Variants in EXTL3 observed in about 807,000 individuals in gnomAD.
EXTL3 encodes the protein exostosin-like 3.
A neutral mutation model predicts 69.3 loss-of-function variants in EXTL3; 27 were observed. That is an observed-to-expected ratio of 0.39 (90% confidence interval 0.29 to 0.54). The LOEUF is 0.54. EXTL3 is among the 20% of genes least tolerant of loss of function. The pLI, the probability that EXTL3 is intolerant of heterozygous loss-of-function variation, is 0.69. For missense variants in EXTL3, 1,003 were observed against 1,231.8 expected (o/e 0.81, Z 2.78); for synonymous variants, 511 against 499.4 (o/e 1.02, Z -0.31).
intron 3 of EXTL3, among the ~76,000 whole-genome samples, chr8:28,719,057 G>A (rs1801233138): frequency 6.6e-6 from 1 of 152,174 alleles, no homozygotes; most frequent in African/African-American, 2.4e-5. Context: ...TATTTAACCT[G>A]CTGCATATGT....
At position 28,712,225 on chromosome 8, in the gene EXTL3, C is replaced by T. The variant is rs547232777; in HGVS notation, c.-569-1232C>T. Among the ~76,000 whole-genome samples the T allele has an allele frequency of 2.6e-4, 40 of 152,194 alleles. No homozygotes were observed. The Middle Eastern group carries it at 0.01, about 39-fold the overall frequency. ...CAAAACAGGCATAAAGTTTTGAGAG[C>T]GAGAAGCTTGGCACAGTCGAGGAGG... On this transcript the variant is annotated intron_variant, in intron 1 of 6. Coordinates refer to ENST00000220562, the MANE Select transcript of EXTL3 (RefSeq NM_001440.4).
At chr8:28,729,465 A>G (rs1261327460) in intron 3 of EXTL3, among the ~76,000 whole-genome samples, 8 of 150,990 alleles carry the variant, frequency 5.3e-5, no homozygotes, top group Non-Finnish European at 8.9e-5. Context: ...GCGTGGTGGT[A>G]GGCGCCTGTA....
Position 28,657,689 on chromosome 8 carries a change from T to C in EXTL3, c.-53+34879T>C, listed in dbSNP as rs187876675. On this transcript the variant is annotated intron_variant, in intron 1 of 6. Coordinates refer to the EXTL3 transcript ENST00000523149. ...TTTGTAAGAGTCATCTGTGCTTATT[T>C]AAAAAAAAAATTGGAAAGCACATCA... Among the ~76,000 whole-genome samples the C allele has an allele frequency of 1.3e-3, 199 of 149,710 alleles. 3 individuals carry two copies. Among genetic ancestry groups the C allele is most frequent in the African/African-American group, 4.3e-3 (174 of 40,902 alleles).
chr8:28,679,130 T>C (rs1807437208), intron 1 of EXTL3, among the ~76,000 whole-genome samples: 1 of 152,214 alleles, frequency 6.6e-6, no homozygotes. Context: ...AGGGTCATTT[T>C]CTATTCTTGT....
chr8:28,732,149 G>A (rs1801550886), intron 4 of EXTL3, among the ~76,000 whole-genome samples: 1 of 152,104 alleles, frequency 6.6e-6, no homozygotes, highest in African/African-American at 2.4e-5. Flanking sequence ...GCCTTCTTGA[G>A]TCTTAGGAAT....
chr8:28,672,154 G>A (rs151043247), intron 1 of EXTL3, among the ~76,000 whole-genome samples: 4 of 152,192 alleles, frequency 2.6e-5, no homozygotes, highest in African/African-American at 9.6e-5. Flanking sequence ...TTTGGTGCAC[G>A]CCTGTAATCC....
intron 2 of EXTL3, among the ~76,000 whole-genome samples, chr8:28,611,124 G>T (rs1806266520): frequency 6.6e-6 from 1 of 152,116 alleles, no homozygotes; most frequent in Non-Finnish European, 1.5e-5. Flanking sequence ...CTGGGCTGGG[G>T]TTTCTTCATT....
intron 6 of EXTL3, among the ~76,000 whole-genome samples, chr8:28,745,321 T>C (rs1437043947): frequency 2.6e-5 from 4 of 152,238 alleles, no homozygotes; most frequent in African/African-American, 9.6e-5. Flanking sequence ...ATGTCACTCC[T>C]GATTGTCCCA....
chr8:28,755,754 TA>T (rs917759515), downstream of EXTL3, among the ~76,000 whole-genome samples: 5 of 150,758 alleles, frequency 3.3e-5, no homozygotes, highest in East Asian at 3.9e-4. Context: ...CTCATAAAAA[TA>T]AAAAAAAAGT....
chr8:28,716,395 G>A lies in EXTL3; in HGVS notation c.336G>A (p.Leu112=). Residue 112 remains leucine, a synonymous_variant, in exon 3 of 7, where the codon CTG becomes CTA. Coordinates refer to ENST00000220562, the MANE Select transcript of EXTL3 (RefSeq NM_001440.4). This position sits in a 1 kb window ranked among gnomAD's most constrained non-coding sequence, Gnocchi z 7.1. ...ELNSEIAKLN[L]KIEACKKSIE... ...ACAGCGAGATCGCCAAGCTGAATCT[G>A]AAGATCGAAGCCTGTAAGAAGAGCA... 2 of 1,613,888 alleles carry A rather than the reference G, an allele frequency of 1.2e-6. No individual in the cohort carries two copies. The highest frequency in any genetic ancestry group is 2.2e-5 in the South Asian group (2 of 91,068).
chr8:28,743,081 G>T lies in EXTL3; in HGVS notation c.2422-5G>T. On this transcript the variant is annotated splice_region_variant and splice_polypyrimidine_tract_variant and intron_variant, in intron 5 of 6. Transcript: ENST00000220562. The stretch of plus-strand genomic sequence containing the variant: ...AGCATGTGGTTCTTTTTCTTCCCCT[G>T]ACAGTATTATGCCTACCTGTATTCT... 1 of 1,613,998 alleles carries T rather than the reference G, an allele frequency of 6.2e-7. No homozygotes were observed. Among genetic ancestry groups the T allele is most frequent in the South Asian group, 1.1e-5 (1 of 91,064 alleles).
At chr8:28,718,343 T>G in intron 3 of EXTL3, 136 bp downstream of exon 3, 1 of 887,004 alleles carries the variant, frequency 1.1e-6, no homozygotes, top group South Asian at 1.4e-5. Context: ...AAAACCTGTA[T>G]AGATTCCTTT....
intron 1 of EXTL3, among the ~76,000 whole-genome samples, chr8:28,679,750 T>C (rs1414709431): frequency 6.7e-6 from 1 of 149,218 alleles, no homozygotes; most frequent in Admixed American, 6.7e-5. Context: ...AAAAAAAGAA[T>C]GTCCAGCCTT....
At chr8:28,697,357 A>G (rs1215791441), upstream of EXTL3, 8 of 152,188 alleles carry the variant, frequency 5.3e-5, no homozygotes, top group Non-Finnish European at 1.0e-4. Flanking sequence ...ACACGACCCA[A>G]GCTGGGCCAA....
chr8:28,707,843 G>C (rs1006506878), intron 1 of EXTL3, among the ~76,000 whole-genome samples: 12 of 152,228 alleles, frequency 7.9e-5, no homozygotes, highest in African/African-American at 2.7e-4. Flanking sequence ...TAGCGAACTG[G>C]TGGGAAGGGA....
chr8:28,703,219 A>G (rs1800849272), intron 1 of EXTL3, among the ~76,000 whole-genome samples: 1 of 152,128 alleles, frequency 6.6e-6, no homozygotes, highest in Non-Finnish European at 1.5e-5. Flanking sequence ...AAACGTGCTT[A>G]ATGTCCAGAG....
intron 1 of EXTL3, chr8:28,696,474 T>C (rs188002511): frequency 2.0e-5 from 3 of 152,364 alleles, no homozygotes; most frequent in East Asian, 1.9e-4. Flanking sequence ...TTGTTTAACA[T>C]TGGGAGAGTC....
chr8:28,748,497 A>G (rs1384835540), intron 6 of EXTL3, among the ~76,000 whole-genome samples: 4 of 152,202 alleles, frequency 2.6e-5, no homozygotes, highest in African/African-American at 9.7e-5. Context: ...TAAAAAGGTA[A>G]GAGAATTGCC....
intron 1 of EXTL3, among the ~76,000 whole-genome samples, chr8:28,654,625 T>G (rs1806976631): frequency 6.6e-6 from 1 of 152,190 alleles, no homozygotes; most frequent in South Asian, 2.1e-4. Context: ...AGGAAGATAT[T>G]ATTGTTGAAT....
Sources: allele counts gnomAD v4.1 joint callset (sites outside exome capture counted in the v4.1 genomes callset), GRCh38; gene constraint gnomAD v4.1.1; non-coding constraint Gnocchi (gnomAD v3.1); transcripts MANE v1.5; gene names NCBI Gene and HGNC (gene_info 2026-07-23, HGNC 2026-07-21).